The following CDH18 variants were observed in gnomAD, a reference collection of about 807,000 sequenced individuals.
The protein encoded by CDH18 is cadherin 18.
A neutral mutation model predicts 67.9 loss-of-function variants in CDH18; 31 were observed. That is an observed-to-expected ratio of 0.46 (90% CI 0.34 to 0.62). CDH18 has a LOEUF of 0.62. CDH18 is among the 20% of genes least tolerant of loss of function. The pLI is 0.01. For synonymous variants in CDH18, 362 were observed against 347.2 expected, an observed-to-expected ratio of 1.04 and a Z score of -0.48; for missense variants, 890 against 975.5, an observed-to-expected ratio of 0.91 and a Z score of 1.17.
intron 1 of CDH18, among the ~76,000 whole-genome samples, chr5:20,511,431 A>AT (rs1271511864): frequency 6.6e-6 from 1 of 152,036 alleles, no homozygotes; most frequent in African/African-American, 2.4e-5. Context: ...CAGAGAAGCC[A>AT]TTTTTTTGCC....
At chr5:20,424,601 T>C (rs977196475) in intron 1 of CDH18, among the ~76,000 whole-genome samples, 4 of 149,586 alleles carry the variant, frequency 2.7e-5, no homozygotes, top group African/African-American at 1.0e-4. Context: ...ATACAAAAAT[T>C]AGCCAGGCGT....
rs538417109 is a variant in CDH18 at position 19,912,323 on chromosome 5, G to T, written c.-257+68737C>A. On this transcript the variant is annotated intron_variant, in intron 2 of 12. Coordinates refer to ENST00000382275, the MANE Select transcript of CDH18 (RefSeq NM_004934.5). ...TAAAGAAGATAAATGAATACATCAG[G>T]TACTGAGGCTCTGGGAGTTTAAGGG... is the stretch of plus-strand genomic sequence containing the variant. Among the ~76,000 whole-genome samples the T allele has an allele frequency of 2.0e-5, 3 of 152,210 alleles. No homozygotes were observed. The East Asian group carries it at 5.8e-4, about 29-fold the overall frequency.
intron 1 of CDH18, among the ~76,000 whole-genome samples, chr5:20,425,901 A>G (rs549422843): frequency 6.6e-6 from 1 of 151,230 alleles, no homozygotes; most frequent in South Asian, 2.1e-4. Context: ...AGATGGTTGT[A>G]GGCTGCTATT....
At chr5:19,902,357 C>T (rs1244921892) in intron 2 of CDH18, among the ~76,000 whole-genome samples, 1 of 152,108 alleles carries the variant, frequency 6.6e-6, no homozygotes, top group Non-Finnish European at 1.5e-5. Flanking sequence ...CCGCAGCTTT[C>T]ACCTTGGGTC....
At chr5:19,724,650 G>GA (rs887961943) in intron 4 of CDH18, among the ~76,000 whole-genome samples, 55 of 146,000 alleles carry the variant, frequency 3.8e-4, no homozygotes, top group South Asian at 2.4e-3. Flanking sequence ...TTACCATTGT[G>GA]AAAAAAAAAA....
At chr5:19,503,279 C>A (rs558665862) in intron 10 of CDH18, among the ~76,000 whole-genome samples, 170 bp from the exon 11 acceptor site, 24 of 152,224 alleles carry the variant, frequency 1.6e-4, no homozygotes, top group Middle Eastern at 3.4e-3. Context: ...CTGTATCCTG[C>A]ATTAGATTTT....
intron 10 of CDH18, among the ~76,000 whole-genome samples, chr5:19,518,993 T>C (rs932063272): frequency 1.3e-5 from 2 of 152,198 alleles, no homozygotes; most frequent in Non-Finnish European, 2.9e-5. Flanking sequence ...GACAGCCAAC[T>C]GGTCACTAAT....
In CDH18 at chr5:19,611,299, A is replaced by G. The variant is rs1376090214; in HGVS notation, c.811+1135T>C. ...GTGCTGTGCAAGAGGGAAAATTAGT[A>G]TAACACGAACAAGCATGCAAAAGTG... On this transcript the variant is annotated intron_variant, in intron 6 of 12. Transcript: ENST00000382275. 6.6e-5 allele frequency among the ~76,000 whole-genome samples: 10 copies of G among 152,036 alleles called. No homozygotes were observed. The South Asian group carries it at 1.9e-3, about 28-fold the overall frequency.
chr5:19,543,844 T>C (rs373724348), intron 9 of CDH18, 25 bp downstream of exon 9: 3 of 1,528,188 alleles, frequency 2.0e-6, no homozygotes, highest in African/African-American at 2.7e-5. Flanking sequence ...TGACATCTTT[T>C]ACTGTGATAC....
chr5:20,482,486 G>A (rs1752881221), intron 1 of CDH18, among the ~76,000 whole-genome samples: 1 of 151,688 alleles, frequency 6.6e-6, no homozygotes, highest in Non-Finnish European at 1.5e-5. Flanking sequence ...TACAAAAAAG[G>A]CCAATATTCT....
At chr5:20,211,425 A>C (rs1163869477) in intron 2 of CDH18, among the ~76,000 whole-genome samples, 4 of 152,070 alleles carry the variant, frequency 2.6e-5, no homozygotes, top group Non-Finnish European at 5.9e-5. Context: ...GAGATCTGAG[A>C]ATGGAAAGAC....
chr5:20,368,315 T>C (rs1742687272), intron 1 of CDH18, among the ~76,000 whole-genome samples: 1 of 152,316 alleles, frequency 6.6e-6, no homozygotes, highest in East Asian at 1.9e-4. Context: ...TTTAATATGA[T>C]CACCTTAATG....
intron 2 of CDH18, among the ~76,000 whole-genome samples, chr5:20,232,574 T>A (rs971027205): frequency 1.3e-5 from 2 of 152,088 alleles, no homozygotes; most frequent in African/African-American, 4.8e-5. Context: ...CCATCAAAAG[T>A]CATTATTTTT....
At chr5:20,400,590 T>C (rs914423032) in intron 1 of CDH18, among the ~76,000 whole-genome samples, 9 of 66,756 alleles carry the variant, frequency 1.3e-4, no homozygotes, top group Non-Finnish European at 2.3e-4. Flanking sequence ...CCATGTCTAC[T>C]AAAAATACAA....
At chr5:19,922,707 CT>C (rs1792628723) in intron 2 of CDH18, among the ~76,000 whole-genome samples, 1 of 152,086 alleles carries the variant, frequency 6.6e-6, no homozygotes, top group African/African-American at 2.4e-5. Flanking sequence ...TTCGTTTAAA[CT>C]CTCTGTGTTT....
chr5:19,677,842 G>C (rs1456029018), intron 5 of CDH18, among the ~76,000 whole-genome samples: 1 of 151,860 alleles, frequency 6.6e-6, no homozygotes, highest in African/African-American at 2.4e-5. Flanking sequence ...AAAACATACT[G>C]TAAAGCAACA....
intron 1 of CDH18, among the ~76,000 whole-genome samples, chr5:20,407,579 G>A (rs549752268): frequency 5.2e-4 from 77 of 148,542 alleles, no homozygotes; most frequent in African/African-American, 1.7e-3. Context: ...GGACCAAACC[G>A]AAATTTTAGT....
chr5:19,900,565 A>T (rs887337211), intron 2 of CDH18, among the ~76,000 whole-genome samples: 6 of 152,172 alleles, frequency 3.9e-5, no homozygotes, highest in African/African-American at 1.4e-4. Flanking sequence ...CACTTCATAC[A>T]TATGTACACT....
chr5:20,154,280 A>ACTTTTACAT (rs1446234199), intron 2 of CDH18, among the ~76,000 whole-genome samples: 1 of 152,136 alleles, frequency 6.6e-6, no homozygotes, highest in Admixed American at 6.5e-5. Context: ...AAATTATTCT[A>ACTTTTACAT]CTTTTACATG....
Sources: allele counts gnomAD v4.1 joint callset (sites outside exome capture counted in the v4.1 genomes callset), GRCh38; gene constraint gnomAD v4.1.1; transcripts MANE v1.5; gene names NCBI Gene and HGNC (gene_info 2026-07-23, HGNC 2026-07-21).